The following HBS1L variants were observed in gnomAD, a reference collection of about 807,000 sequenced individuals.
HBS1L encodes the protein HBS1 like translational GTPase, also known as HBS1-like protein.
In HBS1L, 55 loss-of-function variants were observed where a neutral mutation model predicts 88.9. That is an observed-to-expected ratio of 0.62 (90% CI 0.50 to 0.77). The LOEUF (loss-of-function observed/expected upper bound fraction) is 0.77. HBS1L is among the 30% of genes least tolerant of loss of function. HBS1L has a pLI of 0.00. For missense variants in HBS1L, 741 were observed against 829.3 expected (o/e 0.89, Z 1.31); for synonymous variants, 267 against 288.5 (o/e 0.93, Z 0.76).
intron 4 of HBS1L, among the ~76,000 whole-genome samples, chr6:135,035,511 C>T (rs1318653194): frequency 1.3e-5 from 2 of 150,942 alleles, no homozygotes; most frequent in South Asian, 2.1e-4. Flanking sequence ...GAGGCCAAGG[C>T]GGGCGGATCA....
At chr6:134,991,038 A>C (rs1051037059) in intron 8 of HBS1L, among the ~76,000 whole-genome samples, 1 of 149,088 alleles carries the variant, frequency 6.7e-6, no homozygotes, top group African/African-American at 2.5e-5. Flanking sequence ...ATCAATGAAA[A>C]AAAAAAAGAA....
At chr6:134,976,391 G>A (rs534922702) in intron 15 of HBS1L, among the ~76,000 whole-genome samples, 4 of 152,130 alleles carry the variant, frequency 2.6e-5, no homozygotes, top group Non-Finnish European at 5.9e-5. Flanking sequence ...AGTTGATCCA[G>A]CAGTCTCACT....
chr6:134,995,645 C>A (rs1008507329), intron 7 of HBS1L, among the ~76,000 whole-genome samples: 22 of 151,066 alleles, frequency 1.5e-4, no homozygotes, highest in Admixed American at 1.2e-3. Context: ...CTAGATAATG[C>A]AAAGAAAACT....
intron 15 of HBS1L, among the ~76,000 whole-genome samples, chr6:134,977,673 A>C (rs1204260474): frequency 1.3e-5 from 2 of 151,920 alleles, no homozygotes. Flanking sequence ...GACCCAAATA[A>C]ATGTATTGCC....
intron 4 of HBS1L, among the ~76,000 whole-genome samples, chr6:135,004,530 A>G (rs903192536): frequency 5.3e-5 from 8 of 152,132 alleles, no homozygotes; most frequent in African/African-American, 1.9e-4. Flanking sequence ...GGGGAGCTAC[A>G]TGAAGCTGGA....
intron 15 of HBS1L, among the ~76,000 whole-genome samples, chr6:134,969,789 G>A (rs1774429314): frequency 6.6e-6 from 1 of 152,116 alleles, no homozygotes; most frequent in Admixed American, 6.6e-5. Context: ...TGTAAAATAA[G>A]TAGGCTTTTA....
intron 3 of HBS1L, 57 bp downstream of exon 3, chr6:135,041,944 T>C: frequency 6.7e-7 from 1 of 1,486,260 alleles, no homozygotes. Context: ...TGATAAATTC[T>C]GGTGTATTTG....
rs58218781 is a variant in HBS1L at position 134,990,757 on chromosome 6, G to T, written c.1084-2966C>A. 3.4e-3 allele frequency among the ~76,000 whole-genome samples: 517 copies of T among 152,184 alleles called. 1 individual carries two copies. The highest frequency in any genetic ancestry group is 0.012 in the African/African-American group (497 of 41,538). The stretch of plus-strand genomic sequence containing the variant: ...AGTAGAGACAGGGTTTTGCCATGTT[G>T]CCCAGGCTGGTCTTGAACTCCTGGG... On this transcript the variant is annotated intron_variant, in intron 8 of 17. Coordinates refer to ENST00000367837, the MANE Select transcript of HBS1L (RefSeq NM_006620.4).
intron 8 of HBS1L, among the ~76,000 whole-genome samples, chr6:134,988,029 T>C (rs1775027132): frequency 6.6e-6 from 1 of 151,936 alleles, no homozygotes; most frequent in Non-Finnish European, 1.5e-5. Flanking sequence ...AGAATTAAAA[T>C]ATATAAGCAA....
intron 1 of HBS1L, among the ~76,000 whole-genome samples, chr6:135,054,173 T>C (rs577769673): frequency 3.3e-5 from 5 of 152,272 alleles, no homozygotes; most frequent in Non-Finnish European, 7.3e-5. Context: ...TGTATGGACA[T>C]ACACAAAAGG....
At chr6:135,018,218 C>G (rs969982767) in intron 4 of HBS1L, among the ~76,000 whole-genome samples, 1 of 151,996 alleles carries the variant, frequency 6.6e-6, no homozygotes, top group African/African-American at 2.4e-5. Context: ...ATTCTAGTTA[C>G]CAGATGTACA....
In HBS1L at chr6:134,995,990, T is replaced by C. The variant is rs1775278137; in HGVS notation, c.965+787A>G. Among the ~76,000 whole-genome samples the C allele has an allele frequency of 2.0e-5, 3 of 152,138 alleles. No individual in the cohort carries two copies. The South Asian group carries it at 6.2e-4, about 31-fold the overall frequency. Reference sequence around the variant, plus strand: ...TTAAAAAGGCATGAAAATCCAGATATATTCTCCAATAATCAGATTGAAGAC... The same window carrying C: ...TTAAAAAGGCATGAAAATCCAGATACATTCTCCAATAATCAGATTGAAGAC... On this transcript the variant is annotated intron_variant, in intron 7 of 17. Transcript: ENST00000367837.
intron 15 of HBS1L, among the ~76,000 whole-genome samples, chr6:134,977,681 G>C (rs957068293): frequency 6.6e-6 from 1 of 151,768 alleles, no homozygotes; most frequent in Non-Finnish European, 1.5e-5. Context: ...TAAATGTATT[G>C]CCAACCTCTA....
At chr6:135,034,163 T>C (rs1257371880) in intron 4 of HBS1L, among the ~76,000 whole-genome samples, 3 of 150,338 alleles carry the variant, frequency 2.0e-5, no homozygotes, top group African/African-American at 7.3e-5. Context: ...AAAAAAGACA[T>C]AATGCCATCT....
At chr6:135,040,013 G>T (rs1776681380) in intron 3 of HBS1L, among the ~76,000 whole-genome samples, 1 of 152,102 alleles carries the variant, frequency 6.6e-6, no homozygotes. Flanking sequence ...AGTGACTAAT[G>T]TTTCAAAAAA....
In HBS1L at chr6:134,997,388, G is replaced by C; in HGVS notation, c.799+9C>G. 6.2e-7 allele frequency: 1 copy of C among 1,613,840 alleles called. No individual in the cohort carries two copies. Among genetic ancestry groups the C allele is most frequent in the Non-Finnish European group, 8.5e-7 (1 of 1,179,862 alleles). On this transcript the variant is annotated intron_variant, in intron 6 of 17. Transcript: ENST00000367837. The stretch of plus-strand genomic sequence containing the variant: ...CTGGCTGACGATCCAGAGGGACAAA[G>C]AGCATTACCAATGACCACTAAGTTG...
rs573586827 is a variant in HBS1L at position 135,007,170 on chromosome 6, A to G, written c.431-4328T>C. On this transcript the variant is annotated intron_variant, in intron 4 of 17. Coordinates refer to ENST00000367837, the MANE Select transcript of HBS1L (RefSeq NM_006620.4). Reference sequence around the variant, plus strand: ...TGTAATATTTCTGGGGATGCAATAAATATCAGAATACTTTTTGATTTTTTT... The same window carrying G: ...TGTAATATTTCTGGGGATGCAATAAGTATCAGAATACTTTTTGATTTTTTT... 2.0e-5 allele frequency among the ~76,000 whole-genome samples: 3 copies of G among 152,278 alleles called. No individual in the cohort carries two copies. In the South Asian group the frequency reaches 6.2e-4, roughly 32 times the overall value.
intron 4 of HBS1L, among the ~76,000 whole-genome samples, chr6:135,021,819 T>G (rs1776079356): frequency 6.6e-6 from 1 of 152,174 alleles, no homozygotes; most frequent in Non-Finnish European, 1.5e-5. Flanking sequence ...TATATGAGCC[T>G]CACCTTAAAG....
intron 3 of HBS1L, among the ~76,000 whole-genome samples, chr6:135,041,358 T>A (rs1776730042): frequency 6.6e-6 from 1 of 151,408 alleles, no homozygotes; most frequent in Non-Finnish European, 1.5e-5. Context: ...GCCTCCTCTT[T>A]TTTATTTATT....
Sources: allele counts gnomAD v4.1 joint callset (sites outside exome capture counted in the v4.1 genomes callset), GRCh38; gene constraint gnomAD v4.1.1; transcripts MANE v1.5; gene names NCBI Gene and HGNC (gene_info 2026-07-23, HGNC 2026-07-21).